The following FAAH2 variants were observed in gnomAD, a reference collection of about 807,000 sequenced individuals.
The protein encoded by FAAH2 is fatty-acid amide hydrolase 2.
Under a neutral mutation model 36.9 loss-of-function variants are expected in FAAH2, and 60 were observed. The ratio of observed to expected loss-of-function variants is 1.63; its 90% CI spans 1.32 to 2.02. FAAH2 has a LOEUF of 2.02. FAAH2 is among the 30% of genes most tolerant of loss of function. The pLI is 0.00. For synonymous variants in FAAH2, 214 were observed against 143.8 expected (o/e 1.49, Z -3.49); for missense variants, 689 against 397.5 (o/e 1.73, Z -6.23).
At chrX:57,237,409 G>T in the FAAH2 span, among the ~76,000 whole-genome samples, 1 of 110,701 alleles carries the variant, frequency 9.0e-6, no homozygotes, top group African/African-American at 3.3e-5. Flanking sequence ...AGTGAAACAA[G>T]ATGAGTGATT....
chrX:57,380,511 C>T (rs766223196), intron 6 of FAAH2, among the ~76,000 whole-genome samples: 72 of 112,246 alleles, frequency 6.4e-4, no homozygotes, highest in Non-Finnish European at 1.3e-3. Flanking sequence ...AACCCAGTTG[C>T]TAAAGCCTCA....
chrX:57,452,505 G>T (rs2056802950), intron 10 of FAAH2: 2 of 159,065 alleles, frequency 1.3e-5, no homozygotes, highest in Non-Finnish European at 2.1e-5. Context: ...TCTAAGCAAA[G>T]ATTCTACTTA....
chrX:57,275,909 C>A, the FAAH2 span, among the ~76,000 whole-genome samples: 1 of 111,424 alleles, frequency 9.0e-6, no homozygotes, highest in South Asian at 3.7e-4. Flanking sequence ...ACAGGAGCAC[C>A]CAGATTCATA....
chrX:57,190,715 T>C, the FAAH2 span, among the ~76,000 whole-genome samples: 1 of 110,297 alleles, frequency 9.1e-6, no homozygotes, highest in South Asian at 4.1e-4. Context: ...CTCACCCTCC[T>C]TGGGATGCAT....
Position 57,381,120 on chromosome X carries a change from G to T in FAAH2, c.996+91G>T, listed in dbSNP as rs2054835577. Reference sequence around the variant, plus strand: ...ACTTCACTTACTGCCAAATATTTCTGTGTCAGCATACGGAATTAAGGTTTT... The same window carrying T: ...ACTTCACTTACTGCCAAATATTTCTTTGTCAGCATACGGAATTAAGGTTTT... On this transcript the variant is annotated intron_variant, in intron 7 of 10. Coordinates refer to ENST00000374900, the MANE Select transcript of FAAH2 (RefSeq NM_174912.4). 10 of 636,167 alleles carry T rather than the reference G, an allele frequency of 1.6e-5. No individual in the cohort carries two copies. In the South Asian group the frequency reaches 2.4e-4, roughly 15 times the overall value. 52.4% of individuals were successfully genotyped at this position (636,167 alleles called of 1,213,427 possible).
At chrX:57,440,898 T>G (rs1382560673) in intron 8 of FAAH2, among the ~76,000 whole-genome samples, 1 of 111,719 alleles carries the variant, frequency 9.0e-6, no homozygotes, top group Non-Finnish European at 1.9e-5. Context: ...ATATGATGAA[T>G]TACGTTTATT....
chrX:57,220,107 G>A, the FAAH2 span, among the ~76,000 whole-genome samples: 1 of 107,646 alleles, frequency 9.3e-6, no homozygotes, highest in African/African-American at 3.4e-5. Flanking sequence ...CATTCTAGCC[G>A]CCCTAATCAC....
At chrX:57,271,549 C>T in the FAAH2 span, among the ~76,000 whole-genome samples, 1 of 112,152 alleles carries the variant, frequency 8.9e-6, no homozygotes, top group African/African-American at 3.2e-5. Context: ...ACCTCTGGGT[C>T]AAAACTTCCA....
chrX:57,190,393 C>T, the FAAH2 span, among the ~76,000 whole-genome samples: 1 of 106,159 alleles, frequency 9.4e-6, no homozygotes, highest in East Asian at 3.0e-4. Flanking sequence ...GCCCCCTTTC[C>T]AGGGCAGCAA....
At chrX:57,319,832 A>G (rs2052963310) in intron 3 of FAAH2, among the ~76,000 whole-genome samples, 1 of 111,710 alleles carries the variant, frequency 9.0e-6, no homozygotes, top group African/African-American at 3.3e-5. Flanking sequence ...GATATAGACC[A>G]ATGGAACAGA....
At chrX:57,435,297 A>AGTCT (rs2056387051) in intron 8 of FAAH2, among the ~76,000 whole-genome samples, 1 of 111,806 alleles carries the variant, frequency 8.9e-6, no homozygotes, top group Non-Finnish European at 1.9e-5. Flanking sequence ...AACAATGTAT[A>AGTCT]AAACAACTGA....
intron 2 of FAAH2, among the ~76,000 whole-genome samples, chrX:57,296,267 G>C (rs4329400): frequency 9.0e-6 from 1 of 110,986 alleles, no homozygotes; most frequent in African/African-American, 3.3e-5. Flanking sequence ...CCAGAGGAAC[G>C]ATCAGGCAGC....
chrX:57,378,969 G>A (rs1283285814), intron 6 of FAAH2, among the ~76,000 whole-genome samples, 183 bp downstream of exon 6: 1 of 111,948 alleles, frequency 8.9e-6, no homozygotes, highest in East Asian at 2.8e-4. Flanking sequence ...AAGATGCCAT[G>A]TAAAAGTATT....
chrX:57,130,142 T>C, the FAAH2 span, among the ~76,000 whole-genome samples: 2 of 112,477 alleles, frequency 1.8e-5, no homozygotes, highest in South Asian at 7.3e-4. Flanking sequence ...TTGGGGGCAA[T>C]ATCATCCTGT....
chrX:57,394,820 G>A, intron 7 of FAAH2: 1 of 1,095,604 alleles, frequency 9.1e-7, no homozygotes, highest in African/African-American at 1.8e-5. Flanking sequence ...ATCCAGATTG[G>A]CAGTCTTGGA....
At chrX:57,299,422 C>A (rs2146830573) in intron 2 of FAAH2, among the ~76,000 whole-genome samples, 1 of 111,681 alleles carries the variant, frequency 9.0e-6, no homozygotes, top group East Asian at 2.8e-4. Flanking sequence ...ATGCTAAAAA[C>A]TCTCAATAAA....
At chrX:57,482,240 A>C (rs2057393555) in intron 10 of FAAH2, among the ~76,000 whole-genome samples, 1 of 111,260 alleles carries the variant, frequency 9.0e-6, no homozygotes, top group Non-Finnish European at 1.9e-5. Context: ...TTTCCAGGAG[A>C]GTGAACAGTT....
the FAAH2 span, chrX:57,135,053 C>T: frequency 9.0e-6 from 1 of 111,597 alleles, no homozygotes; most frequent in Non-Finnish European, 1.9e-5. Context: ...CTTCCGATCT[C>T]TCATGGGCCC....
the FAAH2 span, among the ~76,000 whole-genome samples, chrX:57,216,380 T>C: frequency 9.6e-6 from 1 of 103,783 alleles, no homozygotes; most frequent in African/African-American, 3.5e-5. Context: ...CAATGTTTGG[T>C]TTTCCATTCC....
Sources: gnomAD v4.1 joint callset for allele counts (sites outside exome capture counted in the v4.1 genomes callset) on GRCh38, gnomAD v4.1.1 for gene constraint, MANE v1.5 for transcripts, NCBI Gene and HGNC (gene_info 2026-07-23, HGNC 2026-07-21) for gene names.